Variants in WDR7 observed in about 807,000 individuals in gnomAD.
WDR7 encodes the protein WD repeat domain 7, also known as WD repeat-containing protein 7.
Under a neutral mutation model 169.4 loss-of-function variants are expected in WDR7, and 46 were observed. That is an observed-to-expected ratio of 0.27 (90% confidence interval 0.21 to 0.35). The LOEUF (loss-of-function observed/expected upper bound fraction) is 0.35. WDR7 is among the 10% of genes least tolerant of loss of function. The pLI is 1.00. For synonymous variants in WDR7, 612 were observed against 666.8 expected, an observed-to-expected ratio of 0.92 and a Z score of 1.27; for missense variants, 1,534 against 1,859.3, an observed-to-expected ratio of 0.83 and a Z score of 3.22.
chr18:56,908,614 G>A (rs1166654012), intron 21 of WDR7, among the ~76,000 whole-genome samples: 1 of 152,202 alleles, frequency 6.6e-6, no homozygotes, highest in Non-Finnish European at 1.5e-5. Context: ...AATTCAAACA[G>A]TATAATCTAG....
chr18:56,886,035 T>C (rs2046187143), intron 21 of WDR7, among the ~76,000 whole-genome samples: 1 of 152,116 alleles, frequency 6.6e-6, no homozygotes. Context: ...AGAAGGGGAA[T>C]CTAAAAGTTT....
chr18:56,830,431 A>G (rs2045288012), intron 20 of WDR7, among the ~76,000 whole-genome samples: 2 of 152,226 alleles, frequency 1.3e-5, no homozygotes, highest in African/African-American at 4.8e-5. Flanking sequence ...TTATTTTCTC[A>G]TGATGAATTT....
chr18:56,733,039 G>C (rs2026621726), intron 14 of WDR7, among the ~76,000 whole-genome samples: 2 of 152,114 alleles, frequency 1.3e-5, no homozygotes, highest in Admixed American at 1.3e-4. Flanking sequence ...AGTGGTCGTG[G>C]TCCATTATGT....
intron 21 of WDR7, among the ~76,000 whole-genome samples, chr18:56,893,437 TAAA>T (rs2046291782): frequency 6.6e-6 from 1 of 152,088 alleles, no homozygotes; most frequent in Admixed American, 6.6e-5. Flanking sequence ...ATGGTTCTCT[TAAA>T]AAGCCTTTCA....
intron 20 of WDR7, among the ~76,000 whole-genome samples, chr18:56,824,527 C>A (rs184975104): frequency 1.6e-4 from 25 of 152,326 alleles, no homozygotes; most frequent in African/African-American, 4.8e-4. Context: ...AGCAGCACTC[C>A]TTATACACTG....
chr18:56,935,265 G>T (rs544709594), intron 22 of WDR7, among the ~76,000 whole-genome samples: 6 of 152,166 alleles, frequency 3.9e-5, no homozygotes, highest in African/African-American at 1.2e-4. Flanking sequence ...CTAAACTGGG[G>T]TAAACCAGTG....
intron 26 of WDR7, among the ~76,000 whole-genome samples, chr18:56,963,673 G>A (rs1018020032): frequency 6.6e-6 from 1 of 152,080 alleles, no homozygotes; most frequent in Non-Finnish European, 1.5e-5. Flanking sequence ...TTGTTTAACT[G>A]TCAAATTTTG....
At chr18:56,749,165 AAATC>A (rs2043749397) in intron 14 of WDR7, among the ~76,000 whole-genome samples, 3 of 151,790 alleles carry the variant, frequency 2.0e-5, no homozygotes. Flanking sequence ...TAAATATACT[AAATC>A]AAGAGTAAAA....
At chr18:56,890,494 GA>G in intron 21 of WDR7, among the ~76,000 whole-genome samples, 1 of 152,242 alleles carries the variant, frequency 6.6e-6, no homozygotes, top group East Asian at 1.9e-4. Context: ...CAATGCCACA[GA>G]ATTGCAATTA....
chr18:56,735,079 A>G (rs1006532041), intron 14 of WDR7, among the ~76,000 whole-genome samples: 3 of 152,296 alleles, frequency 2.0e-5, no homozygotes, highest in East Asian at 3.9e-4. Flanking sequence ...ATATTTTGTC[A>G]TATCTAACAT....
At chr18:56,951,019 T>C (rs932643445) in intron 25 of WDR7, among the ~76,000 whole-genome samples, 6 of 152,222 alleles carry the variant, frequency 3.9e-5, no homozygotes, top group Admixed American at 6.5e-5. Context: ...AGCTTATTCC[T>C]ACCTCAGAAC....
In WDR7 at chr18:57,027,172, G is replaced by A; in HGVS notation, c.4438G>A (p.Ala1480Thr). The change falls in exon 28 of 28, where the codon GCC becomes ACC. Residue 1480 changes from alanine to threonine, a missense_variant. Ala to Thr is a moderately conservative substitution (Grantham distance 58, BLOSUM62 0). Coordinates refer to ENST00000254442, the MANE Select transcript of WDR7 (RefSeq NM_015285.3). Reference sequence around the variant, plus strand: ...TTCCAACCGCAACGTCATCCTCATGGCCCATGACGGGAAGGAGCACCGCTT... The same window carrying A: ...TTCCAACCGCAACGTCATCCTCATGACCCATGACGGGAAGGAGCACCGCTT... ...WTSNRNVILMAHDGKEHRFMV is the reference protein window; with the variant it reads ...WTSNRNVILMTHDGKEHRFMV 6.2e-7 allele frequency: 1 copy of A among 1,614,036 alleles called. No homozygotes were observed. The highest frequency in any genetic ancestry group is 2.2e-5 in the East Asian group (1 of 44,874).
At position 56,713,627 on chromosome 18, in the gene WDR7, T is replaced by C. The variant is rs150773859; in HGVS notation, c.1579-4337T>C. Among the ~76,000 whole-genome samples the C allele has an allele frequency of 5.1e-3, 777 of 152,332 alleles. 6 individuals carry two copies. Among genetic ancestry groups the C allele is most frequent in the South Asian group, 0.028 (137 of 4,828 alleles). Reference sequence around the variant, plus strand: ...TGTTTTATACATTATCTTGTTATAATGCCATTGGTGTTAAATCATGTTTAG... The same window carrying C: ...TGTTTTATACATTATCTTGTTATAACGCCATTGGTGTTAAATCATGTTTAG... On this transcript the variant is annotated intron_variant, in intron 12 of 27. Coordinates refer to ENST00000254442, the MANE Select transcript of WDR7 (RefSeq NM_015285.3).
intron 19 of WDR7, among the ~76,000 whole-genome samples, chr18:56,789,698 G>A (rs940150757): frequency 2.0e-5 from 3 of 152,162 alleles, no homozygotes; most frequent in Admixed American, 2.0e-4. Flanking sequence ...CTTTCTTCAT[G>A]TCCCCCTTTT....
At chr18:56,992,072 C>T (rs1026509962) in intron 26 of WDR7, among the ~76,000 whole-genome samples, 11 of 152,200 alleles carry the variant, frequency 7.2e-5, no homozygotes, top group African/African-American at 2.7e-4. Context: ...ATAAAGTACT[C>T]ATAATGAAAA....
At chr18:56,717,830 A>G (rs957352939) in intron 12 of WDR7, 134 bp from the exon 13 acceptor site, 3 of 724,736 alleles carry the variant, frequency 4.1e-6, no homozygotes, top group African/African-American at 3.6e-5. Context: ...CATACTTTTC[A>G]ACATGACCTA....
At position 56,696,195 on chromosome 18, in the gene WDR7, G is replaced by T. The variant is rs573957249; in HGVS notation, c.1358-47G>T. ...TGTTTACTTTTACTTACTGAAACTT[G>T]GTAAACCTTTAATTTTCCCATTTTA... On this transcript the variant is annotated intron_variant, in intron 11 of 27. Transcript: ENST00000254442. 11 of 1,489,948 alleles carry T rather than the reference G, an allele frequency of 7.4e-6. No individual in the cohort carries two copies. In the South Asian group the frequency reaches 7.5e-5, roughly 10 times the overall value. 92.3% of individuals were successfully genotyped at this position (1,489,948 alleles called of 1,614,324 possible). A position where few individuals can be genotyped will look rare whatever the true frequency, so the allele number is the denominator to read the frequency against.
intron 20 of WDR7, among the ~76,000 whole-genome samples, chr18:56,824,180 A>G (rs1332692091): frequency 6.6e-6 from 1 of 152,184 alleles, no homozygotes; most frequent in Non-Finnish European, 1.5e-5. Flanking sequence ...TCTGACTGGC[A>G]TGCTCTTAAC....
At chr18:56,724,085 T>C (rs545531236) in intron 13 of WDR7, among the ~76,000 whole-genome samples, 32 of 152,110 alleles carry the variant, frequency 2.1e-4, no homozygotes, top group African/African-American at 7.7e-4. Context: ...TGGAATATAA[T>C]TATAATAACT....
Sources: allele counts gnomAD v4.1 joint callset (sites outside exome capture counted in the v4.1 genomes callset), GRCh38; gene constraint gnomAD v4.1.1; transcripts MANE v1.5; gene names NCBI Gene and HGNC (gene_info 2026-07-23, HGNC 2026-07-21).